Variants in WWOX observed in about 807,000 individuals in gnomAD.
The protein encoded by WWOX is WW domain-containing oxidoreductase.
WWOX carries 69 observed loss-of-function variants against 46.2 expected under a neutral mutation model. That is an observed-to-expected ratio of 1.49 (90% CI 1.23 to 1.82). The LOEUF is 1.82. Ranked by LOEUF, WWOX falls within the 40% of genes most tolerant of loss-of-function variation. The pLI, the probability that WWOX is intolerant of heterozygous loss-of-function variation, is 0.00. For missense variants in WWOX, 919 were observed against 542.6 expected (o/e 1.69, Z -6.89); for synonymous variants, 359 against 202.6 (o/e 1.77, Z -6.56).
intron 5 of WWOX, among the ~76,000 whole-genome samples, chr16:78,168,693 A>T (rs946485641): frequency 6.6e-6 from 1 of 152,044 alleles, no homozygotes; most frequent in Non-Finnish European, 1.5e-5. Flanking sequence ...GATCCATCCT[A>T]TTTCTTAGAG....
At chr16:78,914,295 A>G (rs2045189736) in intron 8 of WWOX, among the ~76,000 whole-genome samples, 1 of 152,042 alleles carries the variant, frequency 6.6e-6, no homozygotes, top group African/African-American at 2.4e-5. Context: ...ATTAGCTGCC[A>G]GAGAGCAGGG....
intron 1 of WWOX, among the ~76,000 whole-genome samples, chr16:78,108,069 C>A (rs111740789): frequency 0.076 from 11,462 of 151,712 alleles, 875 homozygotes; most frequent in African/African-American, 0.19. Context: ...GCTGGGACTA[C>A]AGGCACGTGC....
At chr16:79,157,950 G>T (rs1394287713) in intron 8 of WWOX, among the ~76,000 whole-genome samples, 1 of 152,182 alleles carries the variant, frequency 6.6e-6, no homozygotes, top group Non-Finnish European at 1.5e-5. Context: ...GTGGATGGTG[G>T]CCTGGGGCAT....
intron 8 of WWOX, among the ~76,000 whole-genome samples, chr16:78,621,321 C>G (rs961554317): frequency 6.6e-6 from 1 of 152,026 alleles, no homozygotes; most frequent in African/African-American, 2.4e-5. Context: ...CCCCTTCTAA[C>G]CCCCTACTCA....
intron 5 of WWOX, among the ~76,000 whole-genome samples, chr16:78,315,074 G>T (rs1279938251): frequency 1.3e-5 from 2 of 152,018 alleles, no homozygotes; most frequent in Non-Finnish European, 2.9e-5. Context: ...CTATCATCTA[G>T]CTATCTATCG....
chr16:78,496,715 A>G (rs1444594566), intron 8 of WWOX, among the ~76,000 whole-genome samples: 4 of 152,238 alleles, frequency 2.6e-5, no homozygotes, highest in African/African-American at 7.2e-5. Flanking sequence ...ACAACTCACT[A>G]TGTAAAACCA....
At chr16:79,132,907 C>G (rs140944306) in intron 8 of WWOX, among the ~76,000 whole-genome samples, 45 of 152,256 alleles carry the variant, frequency 3.0e-4, no homozygotes, top group African/African-American at 9.6e-4. Flanking sequence ...GGATGGAGCA[C>G]TGGATTAGTG....
At chr16:78,918,618 T>C (rs956076152) in intron 8 of WWOX, among the ~76,000 whole-genome samples, 2 of 152,224 alleles carry the variant, frequency 1.3e-5, no homozygotes, top group African/African-American at 4.8e-5. Context: ...AGGATTTGTA[T>C]TCTTAGTTTT....
chr16:79,171,492 C>T (rs566621715), intron 8 of WWOX, among the ~76,000 whole-genome samples: 9 of 152,202 alleles, frequency 5.9e-5, no homozygotes, highest in African/African-American at 1.9e-4. Context: ...AGTTTGCTAC[C>T]CAGAATTTAA....
chr16:79,201,558 CAATT>C (rs1412676699), intron 8 of WWOX, among the ~76,000 whole-genome samples: 6 of 152,120 alleles, frequency 3.9e-5, no homozygotes, highest in East Asian at 1.9e-4. Flanking sequence ...AGGAAACTGT[CAATT>C]AATGCATTTA....
chr16:78,547,652 CT>C (rs1470188641), intron 8 of WWOX, among the ~76,000 whole-genome samples: 2 of 152,140 alleles, frequency 1.3e-5, no homozygotes, highest in African/African-American at 2.4e-5. Context: ...CAAGATCAAG[CT>C]GCTGGCAGAT....
At position 78,760,262 on chromosome 16, in the gene WWOX, A is replaced by G. The variant is rs148972445; in HGVS notation, c.1056+327510A>G. ...AGACTTATTCACTACCATGAGAACA[A>G]TATGGGAGAAATCGATCCTGTGATT... On this transcript the variant is annotated intron_variant, in intron 8 of 8. Coordinates refer to ENST00000566780, the MANE Select transcript of WWOX (RefSeq NM_016373.4). Among the ~76,000 whole-genome samples the G allele has an allele frequency of 1.7e-3, 259 of 152,294 alleles. 2 individuals carry two copies. The highest frequency in any genetic ancestry group is 5.7e-3 in the African/African-American group (239 of 41,574).
intron 8 of WWOX, among the ~76,000 whole-genome samples, chr16:78,721,857 A>C (rs1391563911): frequency 6.6e-6 from 1 of 152,260 alleles, no homozygotes; most frequent in Admixed American, 6.5e-5. Context: ...AGAGGTTGGC[A>C]GAGCAAACGC....
intron 8 of WWOX, among the ~76,000 whole-genome samples, chr16:78,524,984 G>C (rs370137951): frequency 6.7e-6 from 1 of 149,190 alleles, no homozygotes; most frequent in East Asian, 2.0e-4. Context: ...TCGTGTTTCA[G>C]CCTCCTGAGT....
At chr16:78,688,398 C>A (rs975298254) in intron 8 of WWOX, among the ~76,000 whole-genome samples, 1 of 151,180 alleles carries the variant, frequency 6.6e-6, no homozygotes, top group East Asian at 1.9e-4. Flanking sequence ...CCTGACAAAT[C>A]CTACTTTTTC....
intron 8 of WWOX, among the ~76,000 whole-genome samples, chr16:78,762,315 G>C (rs962237636): frequency 2.6e-5 from 4 of 152,172 alleles, no homozygotes; most frequent in African/African-American, 9.7e-5. Context: ...TCTGCTGAGA[G>C]CTTGCTGGAG....
chr16:78,805,631 T>A (rs1005339111), intron 8 of WWOX, among the ~76,000 whole-genome samples: 3 of 152,110 alleles, frequency 2.0e-5, no homozygotes, highest in African/African-American at 7.2e-5. Context: ...AAGAGTGGGA[T>A]CTACTTTGGA....
At chr16:78,639,654 C>G (rs549355355) in intron 8 of WWOX, among the ~76,000 whole-genome samples, 1 of 152,156 alleles carries the variant, frequency 6.6e-6, no homozygotes, top group South Asian at 2.1e-4. Context: ...ACCTCTGCCT[C>G]CCAGGTTCGA....
chr16:79,180,415 A>G (rs1597451407), intron 8 of WWOX, among the ~76,000 whole-genome samples: 1 of 152,338 alleles, frequency 6.6e-6, no homozygotes, highest in African/African-American at 2.4e-5. Flanking sequence ...TATTAATTCC[A>G]GAGGGTTTCA....
Sources: allele counts gnomAD v4.1 joint callset (sites outside exome capture counted in the v4.1 genomes callset), GRCh38; gene constraint gnomAD v4.1.1; transcripts MANE v1.5; gene names NCBI Gene and HGNC (gene_info 2026-07-23, HGNC 2026-07-21).